GPAT3: variants seen among roughly 807,000 people sequenced by gnomAD.
GPAT3 encodes glycerol-3-phosphate acyltransferase 3, also known as 1-AGP acyltransferase 9.
Under a neutral mutation model 58.8 loss-of-function variants are expected in GPAT3, and 53 were observed. The ratio of observed to expected loss-of-function variants is 0.90; its 90% CI spans 0.72 to 1.13. The LOEUF is 1.13. Ranked by LOEUF, GPAT3 falls within the 50% of genes most tolerant of loss-of-function variation. The probability of loss-of-function intolerance (pLI) is 0.00; values close to 1 mark genes in which losing one functional copy is unlikely to be tolerated. For synonymous variants in GPAT3, 197 were observed against 187.4 expected (o/e 1.05, Z -0.42); for missense variants, 511 against 527.6 (o/e 0.97, Z 0.31).
chr4:83,571,035 T>G (rs1470012728), intron 2 of GPAT3, among the ~76,000 whole-genome samples: 1 of 152,226 alleles, frequency 6.6e-6, no homozygotes, highest in Admixed American at 6.5e-5. Context: ...TTTTTACTGT[T>G]TTTGACATTT....
At chr4:83,592,157 G>T (rs1465147015) in intron 6 of GPAT3, among the ~76,000 whole-genome samples, 2 of 152,174 alleles carry the variant, frequency 1.3e-5, no homozygotes, top group African/African-American at 4.8e-5. Context: ...GGTCAACAAA[G>T]AGTTGAGTAT....
rs1726754696 is a variant in GPAT3 at position 83,594,855 on chromosome 4, T to C, written c.749T>C (p.Val250Ala). The change falls in exon 7 of 12, where the codon GTT becomes GCT. Residue 250 changes from valine (V) to alanine (A), a missense_variant. Transcript: ENST00000264409. ...TTATGCTACTTCTAGGTTGGCCAGG[T>C]TCATGGCGGCTTGATGGGAATTATT... is the stretch of plus-strand genomic sequence containing the variant. The part of the protein sequence containing the change: ...TDGCYAMVGQ[V>A]HGGLMGIIQR... 1 of 1,613,928 alleles carries C rather than the reference T, an allele frequency of 6.2e-7. No individual in the cohort carries two copies. The highest frequency in any genetic ancestry group is 8.5e-7 in the Non-Finnish European group (1 of 1,179,856).
upstream of GPAT3, chr4:83,536,087 G>C (rs1163581233): frequency 1.0e-6 from 1 of 985,448 alleles, no homozygotes; most frequent in Admixed American, 6.1e-5. Flanking sequence ...GAAATAGGGC[G>C]CTGGGCGCCC....
chr4:83,604,584 A>G, intron 11 of GPAT3, 84 bp from the exon 12 acceptor site: 1 of 1,044,644 alleles, frequency 9.6e-7, no homozygotes. Context: ...GCGTCATGGT[A>G]TCATGCAGCA....
chr4:83,583,274 C>T (rs1425379054), intron 3 of GPAT3, among the ~76,000 whole-genome samples: 1 of 151,044 alleles, frequency 6.6e-6, no homozygotes, highest in African/African-American at 2.4e-5. Context: ...AGCCTGGCAA[C>T]AGAGCGAGAC....
chr4:83,551,339 CAAAT>C (rs1376064413), intron 2 of GPAT3, among the ~76,000 whole-genome samples: 4 of 151,892 alleles, frequency 2.6e-5, no homozygotes, highest in East Asian at 1.9e-4. Context: ...TTTAGAATCA[CAAAT>C]AGATACTATA....
chr4:83,590,618 T>C (rs1286112566), intron 6 of GPAT3, among the ~76,000 whole-genome samples: 1 of 152,266 alleles, frequency 6.6e-6, no homozygotes, highest in Non-Finnish European at 1.5e-5. Context: ...CATTAAATTC[T>C]TTCTTTTTAC....
chr4:83,536,855 G>GGTGTGTGTGCGCGC, intron 1 of GPAT3, 92 bp downstream of exon 1: 1 of 1,248,432 alleles, frequency 8.0e-7, no homozygotes, highest in African/African-American at 1.5e-5. Context: ...GCGAGTCAGG[G>GGTGTGTGTGCGCGC]GTGTGTGTGC....
At chr4:83,597,024 T>G (rs1433770951) in intron 8 of GPAT3, 111 bp downstream of exon 8, 4 of 896,704 alleles carry the variant, frequency 4.5e-6, no homozygotes, top group Non-Finnish European at 7.1e-6. Context: ...TCTCTGCCCT[T>G]AGAGGAATGG....
At chr4:83,591,474 T>C (rs922469451) in intron 6 of GPAT3, among the ~76,000 whole-genome samples, 5 of 152,236 alleles carry the variant, frequency 3.3e-5, no homozygotes, top group African/African-American at 9.6e-5. Context: ...CTTATGAGAA[T>C]TGGTAGTTCT....
chr4:83,593,166 C>CTTTTTTTTTTTT (rs761351611), intron 6 of GPAT3, among the ~76,000 whole-genome samples: 15,234 of 110,830 alleles, frequency 0.14, 1,773 homozygotes, highest in Non-Finnish European at 0.2. Context: ...CGAGCCAGGA[C>CTTTTTTTTTTTT]TTTTTTTTTT....
At chr4:83,602,548 C>G (rs567399378) in intron 11 of GPAT3, among the ~76,000 whole-genome samples, 18 of 141,534 alleles carry the variant, frequency 1.3e-4, no homozygotes, top group Non-Finnish European at 2.7e-4. Context: ...TATGGCTGCT[C>G]CCTCTCTTAA....
At chr4:83,590,536 C>T (rs1430322561) in intron 6 of GPAT3, among the ~76,000 whole-genome samples, 1 of 152,182 alleles carries the variant, frequency 6.6e-6, no homozygotes, top group African/African-American at 2.4e-5. Flanking sequence ...CATTCTTGAG[C>T]TTAATAGGAC....
chr4:83,535,739 G>A, upstream of GPAT3: 10 of 985,424 alleles, frequency 1.0e-5, no homozygotes, highest in Non-Finnish European at 1.2e-5. Context: ...GGCCATGTGG[G>A]GAAGGAGGTG....
intron 2 of GPAT3, among the ~76,000 whole-genome samples, chr4:83,549,711 T>TTTA (rs529043483): frequency 0.042 from 5,945 of 142,768 alleles, 169 homozygotes; most frequent in Non-Finnish European, 0.064. Flanking sequence ...TTTGTATATA[T>TTTA]TTATTATTAT....
At chr4:83,568,312 AC>A (rs1228544332) in intron 2 of GPAT3, among the ~76,000 whole-genome samples, 1 of 152,104 alleles carries the variant, frequency 6.6e-6, no homozygotes, top group African/African-American at 2.4e-5. Flanking sequence ...GCTTAGGAAA[AC>A]CAAAGGAGAT....
At chr4:83,543,931 C>G (rs995131824) in intron 1 of GPAT3, among the ~76,000 whole-genome samples, 1 of 152,078 alleles carries the variant, frequency 6.6e-6, no homozygotes, top group East Asian at 1.9e-4. Context: ...ATGAGCCAAT[C>G]GTGCCTTAGT....
At chr4:83,588,148 TTATTA>T (rs1726453910) in intron 4 of GPAT3, 57 bp from the exon 5 acceptor site, 4 of 1,452,490 alleles carry the variant, frequency 2.8e-6, no homozygotes, top group Non-Finnish European at 3.9e-6. Context: ...ATTAAAACCT[TTATTA>T]TATTGTTTCT....
At chr4:83,584,608 C>T (rs762011341) in intron 3 of GPAT3, among the ~76,000 whole-genome samples, 44 of 152,302 alleles carry the variant, frequency 2.9e-4, no homozygotes, top group Non-Finnish European at 5.9e-4. Flanking sequence ...TGAGTTCAAG[C>T]GATTCTTATG....
Sources: gnomAD v4.1 joint callset for allele counts (sites outside exome capture counted in the v4.1 genomes callset) on GRCh38, gnomAD v4.1.1 for gene constraint, MANE v1.5 for transcripts, NCBI Gene and HGNC (gene_info 2026-07-23, HGNC 2026-07-21) for gene names.